The following BBS12 variants were observed in gnomAD, a reference collection of about 807,000 sequenced individuals.
BBS12 encodes chaperonin-containing T-complex member BBS12.
In BBS12, 5 loss-of-function variants were observed where a neutral mutation model predicts 5.6. The observed-to-expected ratio is 0.89, with a 90% CI of 0.46 to 1.86. The LOEUF is 1.86. BBS12 is among the 40% of genes most tolerant of loss of function. The pLI is 0.01. For missense variants in BBS12, 748 were observed against 830.4 expected, an observed-to-expected ratio of 0.90 and a Z score of 1.22; for synonymous variants, 308 against 306.8, an observed-to-expected ratio of 1.00 and a Z score of -0.04.
the BBS12 span, among the ~76,000 whole-genome samples, chr4:122,712,581 G>T: frequency 0.16 from 23,759 of 152,270 alleles, 2,419 homozygotes; most frequent in Non-Finnish European, 0.23. Flanking sequence ...AAGTACAAAT[G>T]CAGTGAGTGT....
Position 122,743,496 on chromosome 4 carries a change from T to C in BBS12, c.1604T>C (p.Val535Ala), listed in dbSNP as rs201513398. The C allele has an allele frequency of 2.5e-6, 4 of 1,614,210 alleles. No homozygotes were observed. Among genetic ancestry groups the C allele is most frequent in the Admixed American group, 1.7e-5 (1 of 60,030 alleles). ...RLYYALKEEK[V>A]FLGGGAVEFL... ...TATTATGCTCTAAAAGAGGAAAAGG[T>C]CTTCCTTGGAGGTGGTGCAGTTGAA... Residue 535 changes from valine (V) to alanine (A), a missense_variant, in exon 2 of 2, where the codon GTC (valine) becomes GCC (alanine). Coordinates refer to ENST00000314218, the MANE Select transcript of BBS12 (RefSeq NM_152618.3).
the BBS12 span, among the ~76,000 whole-genome samples, chr4:122,716,730 CACACACGT>C: frequency 0.064 from 3,894 of 60,908 alleles, 273 homozygotes; most frequent in African/African-American, 0.23. Flanking sequence ...TGTATATACA[CACACACGT>C]GTGTGTGTAT....
the BBS12 span, among the ~76,000 whole-genome samples, chr4:122,719,914 T>A: frequency 5.3e-5 from 8 of 152,304 alleles, no homozygotes; most frequent in Admixed American, 2.6e-4. Flanking sequence ...TAATAATGAC[T>A]AAAACCATTC....
At position 122,742,991 on chromosome 4, in the gene BBS12, T is replaced by TA. The variant is rs1560707645; in HGVS notation, c.1100dup (p.Tyr367Ter). The TA allele has an allele frequency of 6.2e-7, 1 of 1,614,222 alleles. No individual in the cohort carries two copies. Among genetic ancestry groups the TA allele is most frequent in the Non-Finnish European group, 8.5e-7 (1 of 1,180,034 alleles). The change falls in exon 2 of 2, where the codon TAC becomes TAAC. Residue 367 changes from tyrosine to a stop codon, truncating the protein, a stop_gained and frameshift_variant. Coordinates refer to ENST00000314218, the MANE Select transcript of BBS12 (RefSeq NM_152618.3). LOFTEE classifies it low-confidence loss of function (END_TRUNC). ...VLIEGDLTEN[Y>*]RHLGFNKSAN... is the part of the protein sequence containing the mutation. ...CATTGAGGGTGACCTCACAGAGAAT[T>TA]ACCGCCACCTGGGATTTAATAAGTC...
chr4:122,707,077 CAG>C, the BBS12 span, among the ~76,000 whole-genome samples: 5 of 14,310 alleles, frequency 3.5e-4, no homozygotes, highest in African/African-American at 1.8e-3. Context: ...TTTTTTTTTT[CAG>C]AGAGAGAGAG....
upstream of BBS12, chr4:122,728,981 A>G (rs920670764): frequency 6.6e-6 from 1 of 152,278 alleles, no homozygotes; most frequent in Non-Finnish European, 1.5e-5. Flanking sequence ...AAAACAATGC[A>G]GTGAAACACT....
At chr4:122,702,953 C>T in the BBS12 span, among the ~76,000 whole-genome samples, 396 of 152,262 alleles carry the variant, frequency 2.6e-3, 3 homozygotes, top group African/African-American at 8.7e-3. Context: ...ATAACCAAAA[C>T]GGGCTAAAAA....
At chr4:122,707,038 GTC>G in the BBS12 span, among the ~76,000 whole-genome samples, 42 of 97,344 alleles carry the variant, frequency 4.3e-4, no homozygotes, top group Middle Eastern at 7.8e-3. Flanking sequence ...TATTCATTTT[GTC>G]TCTCTCTCTC....
At chr4:122,709,204 T>C in the BBS12 span, among the ~76,000 whole-genome samples, 10 of 152,318 alleles carry the variant, frequency 6.6e-5, no homozygotes, top group South Asian at 2.1e-4. Context: ...AACATCTTGA[T>C]TGACATAACT....
the BBS12 span, among the ~76,000 whole-genome samples, chr4:122,712,796 G>A: frequency 3.3e-5 from 5 of 152,014 alleles, no homozygotes; most frequent in Non-Finnish European, 7.4e-5. Context: ...TGCATTTTTT[G>A]CAAATTTGAC....
At chr4:122,716,734 C>T in the BBS12 span, among the ~76,000 whole-genome samples, 2 of 125,982 alleles carry the variant, frequency 1.6e-5, no homozygotes, top group African/African-American at 6.5e-5. Context: ...TATACACACA[C>T]ACGTGTGTGT....
Position 122,742,080 on chromosome 4 carries a change from C to T in BBS12, c.188C>T (p.Thr63Ile). 1 of 1,614,122 alleles carries T rather than the reference C, an allele frequency of 6.2e-7. No homozygotes were observed. Among genetic ancestry groups the T allele is most frequent in the Non-Finnish European group, 8.5e-7 (1 of 1,180,018 alleles). The change falls in exon 2 of 2, where the codon ACC becomes ATC. Residue 63 changes from threonine to isoleucine, a missense_variant. By Grantham distance (89) the Thr-to-Ile change is moderately conservative. Coordinates refer to ENST00000314218, the MANE Select transcript of BBS12 (RefSeq NM_152618.3). ...TVRLLESLDL[T>I]SAVGQLLNEA... ...AGGCTTCTTGAAAGTTTGGATTTAA[C>T]CAGTGCAGTGGGACAACTTCTCAAT... is the stretch of plus-strand genomic sequence containing the variant.
At chr4:122,735,787 A>T (rs1697579981) in intron 1 of BBS12, among the ~76,000 whole-genome samples, 1 of 152,192 alleles carries the variant, frequency 6.6e-6, no homozygotes, top group South Asian at 2.1e-4. Context: ...ATTACATTCT[A>T]AGAGAGAGAT....
chr4:122,740,073 C>T (rs1253995194), intron 1 of BBS12, among the ~76,000 whole-genome samples: 4 of 151,990 alleles, frequency 2.6e-5, no homozygotes, highest in Non-Finnish European at 5.9e-5. Flanking sequence ...TACTTCAAGA[C>T]CAGACTGGGC....
the BBS12 span, among the ~76,000 whole-genome samples, chr4:122,718,745 A>AAATGAAAT: frequency 6.6e-6 from 1 of 152,098 alleles, no homozygotes; most frequent in African/African-American, 2.4e-5. Context: ...AAATGAAATG[A>AAATGAAAT]AATGAAATGA....
the BBS12 span, among the ~76,000 whole-genome samples, chr4:122,719,932 C>A: frequency 6.6e-6 from 1 of 152,120 alleles, no homozygotes; most frequent in African/African-American, 2.4e-5. Flanking sequence ...TTCCCCATTC[C>A]GCCAAAGAAT....
In BBS12 at chr4:122,742,628, G is replaced by A. The variant is rs754242636; in HGVS notation, c.736G>A (p.Val246Ile). 1.9e-6 allele frequency: 3 copies of A among 1,614,168 alleles called. No individual in the cohort carries two copies. Among genetic ancestry groups the A allele is most frequent in the South Asian group, 2.2e-5 (2 of 91,080 alleles). Residue 246 changes from valine (V) to isoleucine (I), a missense_variant, in exon 2 of 2, where the codon GTA becomes ATA. Coordinates refer to ENST00000314218, the MANE Select transcript of BBS12 (RefSeq NM_152618.3). ...TAATAGGACAGATAATACTGAAGGGGTAAGCAAACCAGATGGATTTCAAGA... is the reference window on the plus strand; with the variant it reads ...TAATAGGACAGATAATACTGAAGGGATAAGCAAACCAGATGGATTTCAAGA... ...HFNRTDNTEG[V>I]SKPDGFQEHV...
In BBS12 at chr4:122,742,317, A is replaced by T; in HGVS notation, c.425A>T (p.Asp142Val). Residue 142 changes from aspartate (D) to valine (V), a missense_variant, in exon 2 of 2, where the codon GAC becomes GTC. Asp to Val is a radical substitution (Grantham distance 152). Transcript: ENST00000314218. Reference protein sequence around the residue: ...VPVHNIFDCMDSTKTFSQLET... With the variant: ...VPVHNIFDCMVSTKTFSQLET... The stretch of plus-strand genomic sequence containing the variant: ...GTTCACAATATATTTGACTGTATGG[A>T]CAGCACAAAAACATTTTCTCAACTT... 2 of 1,614,120 alleles carry T rather than the reference A, an allele frequency of 1.2e-6. No homozygotes were observed. Among genetic ancestry groups the T allele is most frequent in the Non-Finnish European group, 1.7e-6 (2 of 1,180,012 alleles).
chr4:122,730,411 C>A (rs1256803908), upstream of BBS12: 1 of 152,152 alleles, frequency 6.6e-6, no homozygotes, highest in Non-Finnish European at 1.5e-5. Flanking sequence ...TAACTTCTTA[C>A]ATGGATTAGA....
Sources: gnomAD v4.1 joint callset for allele counts (sites outside exome capture counted in the v4.1 genomes callset) on GRCh38, gnomAD v4.1.1 for gene constraint, MANE v1.5 for transcripts, NCBI Gene and HGNC (gene_info 2026-07-23, HGNC 2026-07-21) for gene names.